Variants in SPIDR observed in about 807,000 individuals in gnomAD.
SPIDR encodes the protein scaffold protein involved in DNA repair, also known as DNA repair-scaffolding protein.
In SPIDR, 93 loss-of-function variants were observed where a neutral mutation model predicts 104.6. That is an observed-to-expected ratio of 0.89 (90% CI 0.75 to 1.06). The LOEUF (loss-of-function observed/expected upper bound fraction) is 1.06. Among genes scored for constraint, SPIDR ranks in the 50% least tolerant of loss-of-function variants. The pLI is 0.00. For synonymous variants in SPIDR, 431 were observed against 416.9 expected, an observed-to-expected ratio of 1.03 and a Z score of -0.41; for missense variants, 1,154 against 1,111.2, an observed-to-expected ratio of 1.04 and a Z score of -0.55.
intron 5 of SPIDR, among the ~76,000 whole-genome samples, chr8:47,318,407 A>AGAAAC: frequency 6.6e-6 from 1 of 151,110 alleles, no homozygotes; most frequent in East Asian, 2.0e-4. Flanking sequence ...AAGAATTAAA[A>AGAAAC]GAAACGAACA....
At chr8:47,489,341 T>C (rs1030196535) in intron 8 of SPIDR, among the ~76,000 whole-genome samples, 46 of 152,122 alleles carry the variant, frequency 3.0e-4, no homozygotes, top group African/African-American at 1.1e-3. Context: ...CACTGCTCAA[T>C]GAAATAAAAG....
chr8:47,388,311 A>C (rs1563815128), intron 5 of SPIDR: 1 of 153,818 alleles, frequency 6.5e-6, no homozygotes, highest in East Asian at 1.9e-4. Context: ...TACTGAATAA[A>C]TATTTATTTA....
chr8:47,457,099 T>A (rs2073119444), intron 8 of SPIDR, among the ~76,000 whole-genome samples: 1 of 152,204 alleles, frequency 6.6e-6, no homozygotes, highest in African/African-American at 2.4e-5. Flanking sequence ...TGTAACAACT[T>A]CTTTTCCTCT....
At chr8:47,457,322 G>A (rs538917840) in intron 8 of SPIDR, among the ~76,000 whole-genome samples, 3 of 151,984 alleles carry the variant, frequency 2.0e-5, no homozygotes, top group East Asian at 1.9e-4. Flanking sequence ...AGGTGGTACC[G>A]CATTGTGGTG....
chr8:47,335,532 C>T (rs1315468063), intron 5 of SPIDR, among the ~76,000 whole-genome samples: 1 of 152,188 alleles, frequency 6.6e-6, no homozygotes, highest in Non-Finnish European at 1.5e-5. Flanking sequence ...CTTACTGCAA[C>T]CTCCACCTCC....
rs571309139 is a variant in SPIDR at position 47,686,658 on chromosome 8, C to G, written c.1685+12717C>G. Among the ~76,000 whole-genome samples, 700 of 152,240 alleles carry G rather than the reference C, an allele frequency of 4.6e-3. 5 individuals carry two copies. Among genetic ancestry groups the G allele is most frequent in the African/African-American group, 0.016 (664 of 41,556 alleles). ...AGACAGGTGCACCAAATTCCAAAGT[C>G]TGATTTTCAGTACTACAGCTGACAT... On this transcript the variant is annotated intron_variant, in intron 11 of 19. Coordinates refer to ENST00000297423, the MANE Select transcript of SPIDR (RefSeq NM_001080394.4).
At chr8:47,488,726 T>C (rs1311056364) in intron 8 of SPIDR, among the ~76,000 whole-genome samples, 1 of 152,136 alleles carries the variant, frequency 6.6e-6, no homozygotes, top group Non-Finnish European at 1.5e-5. Flanking sequence ...TAATCCAGCA[T>C]ATAAACGGAA....
intron 5 of SPIDR, among the ~76,000 whole-genome samples, chr8:47,375,735 G>A (rs985153075): frequency 5.3e-5 from 8 of 151,988 alleles, no homozygotes; most frequent in Non-Finnish European, 8.8e-5. Flanking sequence ...CTACAGGTGC[G>A]CACCACTGTG....
intron 5 of SPIDR, chr8:47,357,867 G>A (rs1485192750): frequency 1.0e-6 from 1 of 984,918 alleles, no homozygotes; most frequent in Non-Finnish European, 1.2e-6. Context: ...AAGGCCACAT[G>A]AAGGTCAGTA....
intron 11 of SPIDR, among the ~76,000 whole-genome samples, chr8:47,685,517 A>ATTTATTTTTTT (rs761792229): frequency 1.5e-5 from 2 of 130,170 alleles, no homozygotes; most frequent in African/African-American, 2.6e-5. Flanking sequence ...TTATTTATTT[A>ATTTATTTTTTT]TTTTTTTGAG....
chr8:47,461,441 A>G (rs1001600102), intron 8 of SPIDR, among the ~76,000 whole-genome samples: 6 of 152,112 alleles, frequency 3.9e-5, no homozygotes, highest in Non-Finnish European at 7.4e-5. Context: ...CCTCCCAGGT[A>G]TCTGGGACTA....
intron 5 of SPIDR, among the ~76,000 whole-genome samples, chr8:47,338,744 G>A (rs1293765306): frequency 6.6e-6 from 1 of 152,054 alleles, no homozygotes; most frequent in Non-Finnish European, 1.5e-5. Flanking sequence ...CCATCATTTT[G>A]TAATATACTT....
intron 7 of SPIDR, among the ~76,000 whole-genome samples, 199 bp from the exon 8 acceptor site, chr8:47,440,124 G>T (rs974012333): frequency 1.3e-5 from 2 of 152,198 alleles, no homozygotes; most frequent in Non-Finnish European, 2.9e-5. Context: ...AATGCAACAT[G>T]CAGGCCTATT....
At chr8:47,708,766 T>C (rs755754397) in intron 14 of SPIDR, among the ~76,000 whole-genome samples, 16 of 152,206 alleles carry the variant, frequency 1.1e-4, no homozygotes, top group Non-Finnish European at 2.9e-5. Context: ...GTTGGAATCT[T>C]AGAGTCTGTA....
intron 10 of SPIDR, among the ~76,000 whole-genome samples, chr8:47,624,918 G>A (rs1435824704): frequency 2.0e-5 from 3 of 152,108 alleles, no homozygotes; most frequent in Non-Finnish European, 2.9e-5. Context: ...ACCAAAGCCT[G>A]GCAGAGACAC....
intron 5 of SPIDR, among the ~76,000 whole-genome samples, chr8:47,391,098 G>T (rs2060527190): frequency 6.6e-6 from 1 of 152,116 alleles, no homozygotes; most frequent in Non-Finnish European, 1.5e-5. Flanking sequence ...TGAGCCAGTA[G>T]GTCCTCTCTG....
chr8:47,386,989 GCTGTTGCC>G (rs2060026223), intron 5 of SPIDR, among the ~76,000 whole-genome samples: 2 of 151,708 alleles, frequency 1.3e-5, no homozygotes, highest in Admixed American at 1.3e-4. Context: ...TGAACTTACT[GCTGTTGCC>G]CCAGCCCCAG....
Position 47,728,981 on chromosome 8 carries a change from T to G in SPIDR, c.2484T>G (p.Val828=), listed in dbSNP as rs747400974. Residue 828 remains valine (V), a synonymous_variant, in exon 18 of 20, where the codon GTT becomes GTG. Transcript: ENST00000297423. ...GCTCCCGGGTGGTCACATCTCCTGT[T>G]CTCAAGAGGCACCTGCAGGTCTTCC... ...GDCSRVVTSP[V]LKRHLQVFLD... The G allele has an allele frequency of 2.5e-6, 4 of 1,613,826 alleles. No homozygotes were observed. The highest frequency in any genetic ancestry group is 2.5e-6 in the Non-Finnish European group (3 of 1,180,034).
At chr8:47,456,170 A>C (rs1026469525) in intron 8 of SPIDR, among the ~76,000 whole-genome samples, 46 of 152,302 alleles carry the variant, frequency 3.0e-4, no homozygotes, top group African/African-American at 1.1e-3. Context: ...ATTACACCTC[A>C]GGCTATATGG....
Sources: gnomAD v4.1 joint callset for allele counts (sites outside exome capture counted in the v4.1 genomes callset) on GRCh38, gnomAD v4.1.1 for gene constraint, MANE v1.5 for transcripts, NCBI Gene and HGNC (gene_info 2026-07-23, HGNC 2026-07-21) for gene names.